PRKAG2: variants seen among roughly 807,000 people sequenced by gnomAD.
The protein encoded by PRKAG2 is 5'-AMP-activated protein kinase subunit gamma-2.
PRKAG2 carries 26 observed loss-of-function variants against 69.6 expected under a neutral mutation model. The ratio of observed to expected loss-of-function variants is 0.37; its 90% CI spans 0.27 to 0.52. The LOEUF (loss-of-function observed/expected upper bound fraction) is 0.52, where lower values mean the gene tolerates loss of function less well. Among genes scored for constraint, PRKAG2 ranks in the 20% least tolerant of loss-of-function variants. The pLI is 0.90. For synonymous variants in PRKAG2, 293 were observed against 285.0 expected (o/e 1.03, Z -0.28); for missense variants, 557 against 740.0 (o/e 0.75, Z 2.87).
chr7:151,708,345 G>A (rs963545352), intron 3 of PRKAG2, among the ~76,000 whole-genome samples: 4 of 152,214 alleles, frequency 2.6e-5, no homozygotes, highest in African/African-American at 9.6e-5. Flanking sequence ...CCCTCAGAAT[G>A]ATCGTCCAGT....
At chr7:151,741,219 TAAAATAAAAC>T (rs2073865438) in intron 3 of PRKAG2, among the ~76,000 whole-genome samples, 1 of 142,354 alleles carries the variant, frequency 7.0e-6, no homozygotes, top group Admixed American at 6.7e-5. Flanking sequence ...TCTCAAAAAA[TAAAATAAAAC>T]AAAATAAAAT....
intron 5 of PRKAG2, among the ~76,000 whole-genome samples, chr7:151,616,487 T>C (rs2151246807): frequency 6.6e-6 from 1 of 152,308 alleles, no homozygotes; most frequent in Middle Eastern, 3.4e-3. Flanking sequence ...ACTTGCATCA[T>C]GAACCTGTCT....
intron 1 of PRKAG2, among the ~76,000 whole-genome samples, chr7:151,876,292 C>A (rs1048364906): frequency 4.3e-4 from 65 of 152,232 alleles, no homozygotes; most frequent in Middle Eastern, 3.4e-3. Flanking sequence ...CCAGGCGGAG[C>A]CCCAGCCCTG....
intron 1 of PRKAG2, among the ~76,000 whole-genome samples, chr7:151,792,709 C>A (rs1183472018): frequency 6.6e-6 from 1 of 152,230 alleles, no homozygotes; most frequent in Non-Finnish European, 1.5e-5. Flanking sequence ...AGGGCAAACT[C>A]GAGGTTTACA....
rs897195600 is a variant in PRKAG2, at chr7:151,557,054, A to G, written c.*147T>C. On this transcript the variant is annotated 3_prime_UTR_variant, in exon 16 of 16. Transcript: ENST00000287878. The stretch of plus-strand genomic sequence containing the variant: ...AAGCACATAAAATCTTTCTTTTTTA[A>G]GCTTAATTTCAACATCACTGGAAGA... The G allele has an allele frequency of 1.4e-5, 19 of 1,346,870 alleles. No homozygotes were observed. The highest frequency in any genetic ancestry group is 1.6e-5 in the Non-Finnish European group (15 of 954,476). The allele number at this position is 1,346,870 out of a possible 1,614,324, so 83.4% of individuals were successfully genotyped here.
In PRKAG2 at chr7:151,632,586, GGCCGC is replaced by G; in HGVS notation, c.685-453_685-449del. On this transcript the variant is annotated intron_variant, in intron 4 of 15. Coordinates refer to ENST00000287878, the MANE Select transcript of PRKAG2 (RefSeq NM_016203.4). The surrounding 1 kb of genome is among the most constrained non-coding windows in gnomAD (Gnocchi z 4.2). The stretch of plus-strand genomic sequence containing the variant: ...CGCCGCTCACCTTCCCAGCACCGGC[GGCCGC>G]GCTCGGCAGGCTCCACCTGCGCAGG... The G allele has an allele frequency of 1.0e-6, 1 of 983,866 alleles. No individual in the cohort carries two copies. The highest frequency in any genetic ancestry group is 1.2e-6 in the Non-Finnish European group (1 of 828,882). The allele number at this position is 983,866 out of a possible 1,614,324, so 60.9% of individuals were successfully genotyped here.
chr7:151,822,946 C>T (rs1444596256), intron 1 of PRKAG2, among the ~76,000 whole-genome samples: 1 of 152,224 alleles, frequency 6.6e-6, no homozygotes, highest in Admixed American at 6.5e-5. Context: ...CCTGGGGAAG[C>T]TGAGTGGCCG....
rs376134683 is a variant in PRKAG2, at chr7:151,687,988, G to A, written c.467-12351C>T. Among the ~76,000 whole-genome samples, 12 of 148,688 alleles carry A rather than the reference G, an allele frequency of 8.1e-5. 1 individual carries two copies. Among genetic ancestry groups the A allele is most frequent in the East Asian group, 8.0e-4 (4 of 4,992 alleles). The stretch of plus-strand genomic sequence containing the variant: ...AGCGGGTAGTGGAAGGCCAAGACTT[G>A]GCACTTTGGGTTTGGAAGGGGAGGG... On this transcript the variant is annotated intron_variant, in intron 3 of 15. Coordinates refer to ENST00000287878, the MANE Select transcript of PRKAG2 (RefSeq NM_016203.4).
intron 13 of PRKAG2, among the ~76,000 whole-genome samples, chr7:151,565,023 C>T (rs886569670): frequency 4.6e-5 from 7 of 151,990 alleles, no homozygotes; most frequent in Non-Finnish European, 7.4e-5. Context: ...ACTGCGCACG[C>T]GTCTAGAGGC....
chr7:151,692,539 T>C (rs1835846228), intron 3 of PRKAG2, among the ~76,000 whole-genome samples: 1 of 151,842 alleles, frequency 6.6e-6, no homozygotes, highest in Non-Finnish European at 1.5e-5. Flanking sequence ...CAACTGCAGA[T>C]GTTTCTCAAA....
At chr7:151,767,542 T>C (rs957241725) in intron 3 of PRKAG2, among the ~76,000 whole-genome samples, 36 of 152,336 alleles carry the variant, frequency 2.4e-4, no homozygotes, top group Admixed American at 2.1e-3. Flanking sequence ...TGGCCCGACT[T>C]GGCCTTCCAA....
intron 3 of PRKAG2, among the ~76,000 whole-genome samples, chr7:151,767,416 G>A (rs1255303634): frequency 3.9e-5 from 6 of 152,154 alleles, no homozygotes; most frequent in African/African-American, 7.2e-5. Flanking sequence ...TCAGCCTCCC[G>A]AGTAACTGGG....
Position 151,827,270 on chromosome 7 carries a change from A to G in PRKAG2, c.115-40729T>C, listed in dbSNP as rs537957612. Among the ~76,000 whole-genome samples, 144 of 151,958 alleles carry G rather than the reference A, an allele frequency of 9.5e-4. No homozygotes were observed. The South Asian group carries it at 0.018, about 19-fold the overall frequency. ...TCATTTATTTTTGAGACAGGGTCTC[A>G]CTCTGTTGCCTAGGCTGGAGTGCAG... On this transcript the variant is annotated intron_variant, in intron 1 of 15. Coordinates refer to ENST00000287878, the MANE Select transcript of PRKAG2 (RefSeq NM_016203.4).
intron 3 of PRKAG2, among the ~76,000 whole-genome samples, chr7:151,779,897 G>A (rs754896301): frequency 2.6e-5 from 4 of 152,066 alleles, no homozygotes; most frequent in East Asian, 1.9e-4. Flanking sequence ...ATCTCTAGAC[G>A]ATGTTTATAC....
chr7:151,659,905 A>G (rs955512541), intron 4 of PRKAG2, among the ~76,000 whole-genome samples: 1 of 152,138 alleles, frequency 6.6e-6, no homozygotes, highest in Non-Finnish European at 1.5e-5. Context: ...ATGCGAAATT[A>G]TTTCTCTGCC....
At position 151,690,645 on chromosome 7, in the gene PRKAG2, T is replaced by A. The variant is rs1835521501; in HGVS notation, c.467-15008A>T. Among the ~76,000 whole-genome samples the A allele has an allele frequency of 2.6e-5, 4 of 152,206 alleles. No homozygotes were observed. In the South Asian group the frequency reaches 8.3e-4, roughly 32 times the overall value. On this transcript the variant is annotated intron_variant, in intron 3 of 15. Coordinates refer to ENST00000287878, the MANE Select transcript of PRKAG2 (RefSeq NM_016203.4). ...TCTCTTTAGTGCCAGGTTTCTAGAATCAGTGCATGAAAAATGATATCTGAA... is the reference window on the plus strand; with the variant it reads ...TCTCTTTAGTGCCAGGTTTCTAGAAACAGTGCATGAAAAATGATATCTGAA...
At chr7:151,557,581 A>T (rs1380541921) in intron 15 of PRKAG2, 4 of 985,172 alleles carry the variant, frequency 4.1e-6, no homozygotes, top group African/African-American at 3.5e-5. Context: ...TATTAAAAAA[A>T]GGTTTAGGCC....
intron 1 of PRKAG2, among the ~76,000 whole-genome samples, chr7:151,818,151 A>G (rs1044096030): frequency 1.1e-4 from 17 of 152,336 alleles, no homozygotes; most frequent in Middle Eastern, 3.4e-3. Flanking sequence ...ATGATATTAC[A>G]TAACAAGTCA....
chr7:151,776,420 G>A (rs1344368776), intron 3 of PRKAG2, among the ~76,000 whole-genome samples: 2 of 151,652 alleles, frequency 1.3e-5, no homozygotes, highest in Admixed American at 1.3e-4. Context: ...TTTCTACCAA[G>A]GACATTGAAG....
Sources: gnomAD v4.1 joint callset for allele counts (sites outside exome capture counted in the v4.1 genomes callset) on GRCh38, gnomAD v4.1.1 for gene constraint, Gnocchi (gnomAD v3.1) non-coding constraint, MANE v1.5 for transcripts, NCBI Gene and HGNC (gene_info 2026-07-23, HGNC 2026-07-21) for gene names.